Variants in TMOD3 observed in about 807,000 individuals in gnomAD.
TMOD3 encodes the protein tropomodulin 3, also known as tropomodulin-3.
Under a neutral mutation model 39.2 loss-of-function variants are expected in TMOD3, and 20 were observed. That is an observed-to-expected ratio of 0.51 (90% CI 0.36 to 0.74). The LOEUF (loss-of-function observed/expected upper bound fraction) is 0.74. TMOD3 is among the 30% of genes least tolerant of loss of function. The probability of loss-of-function intolerance (pLI) is 0.00; values close to 1 mark genes in which losing one functional copy is unlikely to be tolerated. For synonymous variants in TMOD3, 143 were observed against 145.8 expected (o/e 0.98, Z 0.14); for missense variants, 381 against 412.8 (o/e 0.92, Z 0.67).
intron 1 of TMOD3, among the ~76,000 whole-genome samples, chr15:51,839,572 A>G (rs1322061853): frequency 6.9e-6 from 1 of 145,642 alleles, no homozygotes; most frequent in Non-Finnish European, 1.5e-5. Context: ...TTTTTTCGAG[A>G]CAGGCTTTCG....
intron 6 of TMOD3, among the ~76,000 whole-genome samples, chr15:51,895,436 T>C (rs1236656560): frequency 1.3e-5 from 2 of 152,062 alleles, no homozygotes; most frequent in African/African-American, 4.8e-5. Flanking sequence ...GCCAGGCTGG[T>C]TTTGAACTCC....
rs757270688 is a variant in TMOD3, at chr15:51,908,787, C to A, written c.1036C>A (p.Arg346=). Residue 346 remains arginine, a synonymous_variant, in exon 10 of 10, where the codon CGA becomes AGA. Transcript: ENST00000308580. Reference sequence around the variant, plus strand: ...TATTTTTCTCATAGTGCGTAAGAGACGAGTTGAAGGAGATCACCAGTAAGT... The same window carrying A: ...TATTTTTCTCATAGTGCGTAAGAGAAGAGTTGAAGGAGATCACCAGTAAGT... ...TKNNDLVRKR[R]VEGDHQ is the part of the protein sequence containing the mutation. 1 of 1,606,596 alleles carries A rather than the reference C, an allele frequency of 6.2e-7. No homozygotes were observed. Among genetic ancestry groups the A allele is most frequent in the African/African-American group, 1.3e-5 (1 of 74,578 alleles).
At chr15:51,848,035 A>G (rs550263117) in intron 1 of TMOD3, among the ~76,000 whole-genome samples, 26 of 152,230 alleles carry the variant, frequency 1.7e-4, no homozygotes, top group African/African-American at 5.5e-4. Context: ...TTGCATTTCT[A>G]TCATTTCAGG....
intron 6 of TMOD3, 146 bp downstream of exon 6, chr15:51,894,091 A>G (rs1015852290): frequency 1.4e-5 from 8 of 562,682 alleles, no homozygotes; most frequent in Admixed American, 7.6e-5. Flanking sequence ...AGGTTTCTTC[A>G]TATTTTAGAT....
chr15:51,895,410 G>C (rs570342954), intron 6 of TMOD3, among the ~76,000 whole-genome samples: 1 of 150,558 alleles, frequency 6.6e-6, no homozygotes, highest in African/African-American at 2.4e-5. Flanking sequence ...AGTAGAGATG[G>C]GGTTTCACCA....
At chr15:51,832,117 G>A in intron 1 of TMOD3, among the ~76,000 whole-genome samples, 1 of 150,686 alleles carries the variant, frequency 6.6e-6, no homozygotes, top group South Asian at 2.1e-4. Context: ...GGAGTTTGAG[G>A]TTACAGTGAG....
intron 1 of TMOD3, among the ~76,000 whole-genome samples, chr15:51,839,599 C>T (rs559531566): frequency 2.0e-5 from 3 of 149,402 alleles, no homozygotes; most frequent in South Asian, 2.2e-4. Flanking sequence ...TCCAGGCTGG[C>T]GTGCAGGTGT....
intron 9 of TMOD3, among the ~76,000 whole-genome samples, chr15:51,905,288 A>C (rs1470255990): frequency 2.0e-5 from 3 of 152,322 alleles, no homozygotes; most frequent in South Asian, 4.1e-4. Context: ...ACCTGAGGTC[A>C]GGAGTTTGAG....
chr15:51,885,863 G>A (rs374439776), intron 3 of TMOD3, among the ~76,000 whole-genome samples: 227 of 150,740 alleles, frequency 1.5e-3, no homozygotes, highest in African/African-American at 5.2e-3. Flanking sequence ...CAGACGGGGC[G>A]GCCGGGCAGA....
chr15:51,870,986 A>G (rs1189885741), intron 3 of TMOD3, among the ~76,000 whole-genome samples: 2 of 152,298 alleles, frequency 1.3e-5, no homozygotes, highest in East Asian at 1.9e-4. Context: ...CACCCACATT[A>G]TGGAGGTTAA....
At chr15:51,904,881 G>T (rs2056670303) in intron 9 of TMOD3, among the ~76,000 whole-genome samples, 1 of 152,218 alleles carries the variant, frequency 6.6e-6, no homozygotes, top group Non-Finnish European at 1.5e-5. Context: ...AGAAGACCAT[G>T]TTGAAGAAGC....
intron 3 of TMOD3, among the ~76,000 whole-genome samples, chr15:51,869,595 A>G (rs1399989251): frequency 6.6e-6 from 1 of 152,220 alleles, no homozygotes. Flanking sequence ...TTATTACACA[A>G]TGATTTTGAA....
chr15:51,894,262 G>T (rs547594741), intron 6 of TMOD3, among the ~76,000 whole-genome samples: 1 of 152,098 alleles, frequency 6.6e-6, no homozygotes, highest in Non-Finnish European at 1.5e-5. Flanking sequence ...TTAAAATTCG[G>T]TTCCTTAGCC....
At chr15:51,837,653 C>T (rs2056293194) in intron 1 of TMOD3, among the ~76,000 whole-genome samples, 1 of 152,200 alleles carries the variant, frequency 6.6e-6, no homozygotes, top group Admixed American at 6.5e-5. Context: ...TTCACCTCTG[C>T]AAGGCCTTCG....
chr15:51,884,472 G>C (rs2056549917), intron 3 of TMOD3: 3 of 152,214 alleles, frequency 2.0e-5, no homozygotes, highest in African/African-American at 7.2e-5. Flanking sequence ...ACAGATGCTT[G>C]CTTTCCTAGC....
At position 51,893,834 on chromosome 15, in the gene TMOD3, G is replaced by C. The variant is rs752301309; in HGVS notation, c.516G>C (p.Lys172Asn). The change falls in exon 6 of 10, where the codon AAG becomes AAC. Residue 172 changes from lysine to asparagine, a missense_variant. Lys to Asn is a moderately conservative substitution (Grantham distance 94). Transcript: ENST00000308580. ...CTGCAGATGTGGTCAAAGGTGAAAAGATTCTTCCGGTATTTGATGAGCCAC... is the reference window on the plus strand; with the variant it reads ...CTGCAGATGTGGTCAAAGGTGAAAACATTCTTCCGGTATTTGATGAGCCAC... Reference protein sequence around the residue: ...EHFSNVVKGEKILPVFDEPPN... With the variant: ...EHFSNVVKGENILPVFDEPPN... 5.0e-6 allele frequency: 8 copies of C among 1,605,180 alleles called. No homozygotes were observed. The highest frequency in any genetic ancestry group is 6.8e-6 in the Non-Finnish European group (8 of 1,174,658).
chr15:51,878,104 G>T (rs1192004447), intron 3 of TMOD3, among the ~76,000 whole-genome samples: 1 of 152,222 alleles, frequency 6.6e-6, no homozygotes, highest in East Asian at 1.9e-4. Flanking sequence ...GGCTCTGCCT[G>T]AATTTCTGCT....
Position 51,856,867 on chromosome 15 carries a change from C to T in TMOD3, c.-74-5944C>T, listed in dbSNP as rs117867212. Among the ~76,000 whole-genome samples, 594 of 152,278 alleles carry T rather than the reference C, an allele frequency of 3.9e-3. 17 individuals carry two copies. The highest frequency in any genetic ancestry group is 0.026 in the Admixed American group (404 of 15,282). Reference sequence around the variant, plus strand: ...TCACTTTGAAAATAGTTTGGGATTACCTAATCAAGTTCAGTATAAGCATAC... The same window carrying T: ...TCACTTTGAAAATAGTTTGGGATTATCTAATCAAGTTCAGTATAAGCATAC... On this transcript the variant is annotated intron_variant, in intron 1 of 9. Transcript: ENST00000308580.
At chr15:51,867,489 TACCATTACATAAAGGGTA>T (rs562733611) in intron 2 of TMOD3, among the ~76,000 whole-genome samples, 1 of 152,326 alleles carries the variant, frequency 6.6e-6, no homozygotes, top group East Asian at 1.9e-4. Context: ...GTGTAGTAGG[TACCATTACATAAAGGGTA>T]ACACAGAAGT....
Sources: allele counts gnomAD v4.1 joint callset (sites outside exome capture counted in the v4.1 genomes callset), GRCh38; gene constraint gnomAD v4.1.1; transcripts MANE v1.5; gene names NCBI Gene and HGNC (gene_info 2026-07-23, HGNC 2026-07-21).